Variants in ANK3 observed in about 807,000 individuals in gnomAD.
ANK3 encodes the protein ankyrin-3.
ANK3 carries 57 observed loss-of-function variants against 370.9 expected under a neutral mutation model. That is an observed-to-expected ratio of 0.15 (90% CI 0.12 to 0.19). The LOEUF (loss-of-function observed/expected upper bound fraction) is 0.19. ANK3 is among the 10% of genes least tolerant of loss of function. The probability of loss-of-function intolerance (pLI) is 1.00; values close to 1 mark genes in which losing one functional copy is unlikely to be tolerated. For missense variants in ANK3, 4,439 were observed against 5,302.1 expected (o/e 0.84, Z 5.06); for synonymous variants, 1,929 against 1,946.3 (o/e 0.99, Z 0.23).
Position 60,069,348 on chromosome 10 carries a change from T to C in ANK3, c.11533A>G (p.Lys3845Glu). The C allele has an allele frequency of 6.2e-7, 1 of 1,614,140 alleles. No individual in the cohort carries two copies. Among genetic ancestry groups the C allele is most frequent in the African/African-American group, 1.3e-5 (1 of 75,018 alleles). ...GTTTTTTGCTGTTCTCCAAGAACTT[T>C]CTGCTTATCTCTTACACAGTGTCCT... Reference protein sequence around the residue: ...LQGHCVRDKQKVLGEQQKTKE... With the variant: ...LQGHCVRDKQEVLGEQQKTKE... The change falls in exon 37 of 44, where the codon AAA becomes GAA. Residue 3845 changes from lysine (K) to glutamate (E), a missense_variant. By Grantham distance (56) the Lys-to-Glu change is moderately conservative (BLOSUM62 1). Around this residue, in one of 13 missense-constraint regions of ANK3, gnomAD observed 496 missense variants for 529.3 expected, o/e 0.94. Coordinates refer to ENST00000280772, the MANE Select transcript of ANK3 (RefSeq NM_020987.5).
intron 16 of ANK3, among the ~76,000 whole-genome samples, chr10:60,192,524 A>C (rs2096506352): frequency 6.6e-6 from 1 of 152,100 alleles, no homozygotes; most frequent in Non-Finnish European, 1.5e-5. Flanking sequence ...CAGCTATAAA[A>C]AAGAATAAAA....
At chr10:60,241,768 C>T (rs1218689510) in intron 7 of ANK3, among the ~76,000 whole-genome samples, 1 of 152,078 alleles carries the variant, frequency 6.6e-6, no homozygotes, top group Non-Finnish European at 1.5e-5. Context: ...GTATTTACTT[C>T]TCCTTAATCC....
At chr10:60,270,818 T>C (rs975239357) in intron 4 of ANK3, among the ~76,000 whole-genome samples, 61 of 152,354 alleles carry the variant, frequency 4.0e-4, no homozygotes, top group African/African-American at 1.4e-3. Context: ...GAAATGCCGA[T>C]TTGCATAATG....
At position 60,516,961 on chromosome 10, in the gene ANK3, A is replaced by C. The variant is rs369774318; in HGVS notation, c.96+98225T>G. Among the ~76,000 whole-genome samples, 16 of 152,198 alleles carry C rather than the reference A, an allele frequency of 1.1e-4. No homozygotes were observed. In the East Asian group the frequency reaches 2.1e-3, roughly 20 times the overall value. ...GGAAAATACTGTAGAGCCACGTTCCATGGAAAGAGCTTTGGAATGGAGCTG... is the reference window on the plus strand; with the variant it reads ...GGAAAATACTGTAGAGCCACGTTCCCTGGAAAGAGCTTTGGAATGGAGCTG... On this transcript the variant is annotated intron_variant, in intron 2 of 43. Coordinates refer to the ANK3 transcript ENST00000373827.
chr10:60,709,627 C>T (rs894636012), intron 1 of ANK3, among the ~76,000 whole-genome samples: 1 of 151,980 alleles, frequency 6.6e-6, no homozygotes, highest in African/African-American at 2.4e-5. Flanking sequence ...GCGTTTGAGA[C>T]CAGCCTGGGC....
intron 1 of ANK3, among the ~76,000 whole-genome samples, chr10:60,676,290 T>C (rs930238268): frequency 6.6e-6 from 1 of 152,180 alleles, no homozygotes; most frequent in Non-Finnish European, 1.5e-5. Flanking sequence ...AATGAACTAA[T>C]AGAAATTGGC....
chr10:60,614,080 A>G (rs1160199049), intron 2 of ANK3, among the ~76,000 whole-genome samples: 4 of 152,242 alleles, frequency 2.6e-5, no homozygotes, highest in Non-Finnish European at 5.9e-5. Context: ...TCAAAAAAAA[A>G]GATAATTCAA....
intron 7 of ANK3, among the ~76,000 whole-genome samples, chr10:60,261,326 T>C (rs949599552): frequency 4.6e-5 from 7 of 152,218 alleles, no homozygotes; most frequent in African/African-American, 1.7e-4. Context: ...TATGACATTG[T>C]AATTCCTTTC....
intron 1 of ANK3, among the ~76,000 whole-genome samples, chr10:60,675,580 T>A (rs919937284): frequency 6.6e-6 from 1 of 152,246 alleles, no homozygotes; most frequent in Admixed American, 6.5e-5. Flanking sequence ...ATTTTTTGAA[T>A]GAATGCAAAG....
chr10:60,072,016 T>C lies in ANK3; in HGVS notation c.8865A>G (p.Ser2955=). 1 of 1,614,126 alleles carries C rather than the reference T, an allele frequency of 6.2e-7. No homozygotes were observed. The highest frequency in any genetic ancestry group is 8.5e-7 in the Non-Finnish European group (1 of 1,180,008). Residue 2955 remains serine, a synonymous_variant, in exon 37 of 44, where the codon TCA becomes TCG. Transcript: ENST00000280772. ...LDQPSRRSES[S]AVSHIPVRVA... is the part of the protein sequence containing the mutation. ...CTCTGACGGGAATGTGTGACACTGC[T>C]GAGCTCTCGCTCCTCCTGGAAGGCT...
chr10:60,122,714 T>C (rs2093561342), intron 25 of ANK3, among the ~76,000 whole-genome samples: 1 of 152,250 alleles, frequency 6.6e-6, no homozygotes, highest in Non-Finnish European at 1.5e-5. Context: ...TAATGTCTCC[T>C]TATATGTGTA....
At chr10:60,104,821 G>C (rs1037744156) in intron 28 of ANK3, among the ~76,000 whole-genome samples, 2 of 152,050 alleles carry the variant, frequency 1.3e-5, no homozygotes, top group African/African-American at 4.8e-5. Flanking sequence ...TATGTAACAA[G>C]GACTGTATTT....
chr10:60,708,724 A>C (rs115480914), intron 1 of ANK3, among the ~76,000 whole-genome samples: 6,112 of 152,236 alleles, frequency 0.04, 160 homozygotes, highest in Middle Eastern at 0.071. Context: ...GTCTCACCTA[A>C]GGGGGAAAAG....
intron 2 of ANK3, among the ~76,000 whole-genome samples, chr10:60,447,986 A>T (rs1320597064): frequency 1.3e-5 from 2 of 152,206 alleles, no homozygotes; most frequent in Admixed American, 1.3e-4. Flanking sequence ...CTAGAGATTA[A>T]TGAAGGAGGG....
intron 2 of ANK3, among the ~76,000 whole-genome samples, chr10:60,525,547 T>G: frequency 6.6e-6 from 1 of 152,138 alleles, no homozygotes; most frequent in South Asian, 2.1e-4. Context: ...CTATATGCGC[T>G]AAACTGCAGT....
At chr10:60,389,922 G>A (rs1267784289), upstream of ANK3, 8 of 923,896 alleles carry the variant, frequency 8.7e-6, no homozygotes, top group Non-Finnish European at 2.6e-6. Flanking sequence ...TCTCCAAAGG[G>A]GAAGAATCAA....
Position 60,073,348 on chromosome 10 carries a change from T to C in ANK3, c.7533A>G (p.Lys2511=). Reference sequence around the variant, plus strand: ...TATAGATTTTGGAGAGAATTTCTTTTTTGGGGGCAGTGGCTATTTTTTCTC... The same window carrying C: ...TATAGATTTTGGAGAGAATTTCTTTCTTGGGGGCAGTGGCTATTTTTTCTC... ...RSREKIATAP[K]KEILSKIYKD... The change falls in exon 37 of 44, where the codon AAA becomes AAG. Residue 2511 remains lysine (K), a synonymous_variant. Transcript: ENST00000280772. 6.2e-7 allele frequency: 1 copy of C among 1,613,938 alleles called. No individual in the cohort carries two copies. Among genetic ancestry groups the C allele is most frequent in the Non-Finnish European group, 8.5e-7 (1 of 1,180,012 alleles).
At chr10:60,188,152 C>A (rs1260399668) in intron 16 of ANK3, among the ~76,000 whole-genome samples, 1 of 152,208 alleles carries the variant, frequency 6.6e-6, no homozygotes, top group East Asian at 1.9e-4. Flanking sequence ...AGAAAGGAAT[C>A]CTCAGGTTTT....
intron 1 of ANK3, chr10:60,685,211 C>A (rs575437319): frequency 8.5e-6 from 3 of 352,800 alleles, no homozygotes; most frequent in South Asian, 5.7e-5. Flanking sequence ...GTTCAATGAT[C>A]AGATGCCTAA....
Sources: gnomAD v4.1 joint callset for allele counts (sites outside exome capture counted in the v4.1 genomes callset) on GRCh38, gnomAD v4.1.1 for gene constraint, gnomAD v4.1.1 regional missense constraint, MANE v1.5 for transcripts, NCBI Gene and HGNC (gene_info 2026-07-23, HGNC 2026-07-21) for gene names.